The following WWOX variants were observed in gnomAD, a reference collection of about 807,000 sequenced individuals.
WWOX encodes WW domain containing oxidoreductase, also known as WW domain-containing oxidoreductase.
WWOX carries 69 observed loss-of-function variants against 46.2 expected under a neutral mutation model. That is an observed-to-expected ratio of 1.49 (90% CI 1.23 to 1.82). The LOEUF is 1.82. WWOX is among the 40% of genes most tolerant of loss of function. The probability of loss-of-function intolerance (pLI) is 0.00; values close to 1 mark genes in which losing one functional copy is unlikely to be tolerated. For missense variants in WWOX, 919 were observed against 542.6 expected (o/e 1.69, Z -6.89); for synonymous variants, 359 against 202.6 (o/e 1.77, Z -6.56).
At chr16:79,199,007 G>T (rs2051294698) in intron 8 of WWOX, among the ~76,000 whole-genome samples, 1 of 152,142 alleles carries the variant, frequency 6.6e-6, no homozygotes, top group African/African-American at 2.4e-5. Context: ...TCTGTCACTT[G>T]CTCTTTGACC....
intron 6 of WWOX, among the ~76,000 whole-genome samples, chr16:78,422,818 T>TACAC (rs751244748): frequency 8.3e-6 from 1 of 120,300 alleles, no homozygotes; most frequent in African/African-American, 4.6e-5. Flanking sequence ...CACATATATA[T>TACAC]ACACACACAT....
At chr16:78,929,042 A>G (rs973032279) in intron 8 of WWOX, among the ~76,000 whole-genome samples, 3 of 152,212 alleles carry the variant, frequency 2.0e-5, no homozygotes, top group African/African-American at 7.2e-5. Flanking sequence ...TTTTTAAAGA[A>G]TTTCCTTTTT....
intron 6 of WWOX, among the ~76,000 whole-genome samples, chr16:78,392,997 G>C (rs781146789): frequency 3.3e-5 from 5 of 152,094 alleles, no homozygotes; most frequent in Non-Finnish European, 7.4e-5. Flanking sequence ...TGTGTCTCGG[G>C]TCAAATTATT....
At chr16:78,909,774 A>G (rs1478572737) in intron 8 of WWOX, among the ~76,000 whole-genome samples, 1 of 152,184 alleles carries the variant, frequency 6.6e-6, no homozygotes, top group Non-Finnish European at 1.5e-5. Flanking sequence ...GCGTCAACTT[A>G]GTCCAAATGT....
At chr16:78,554,459 C>G (rs574131280) in intron 8 of WWOX, among the ~76,000 whole-genome samples, 2 of 152,242 alleles carry the variant, frequency 1.3e-5, no homozygotes, top group African/African-American at 4.8e-5. Context: ...GAAAACAGTT[C>G]TGGCTGATGG....
chr16:79,022,552 T>C (rs1422643409), intron 8 of WWOX, among the ~76,000 whole-genome samples: 1 of 152,156 alleles, frequency 6.6e-6, no homozygotes, highest in Non-Finnish European at 1.5e-5. Context: ...CTCTTTCCAA[T>C]AATATCTTTG....
rs561333708 is a variant in WWOX, at chr16:78,486,570, G to GTTTTGTTTTGTTTTA, written c.1056+53832_1056+53833insATTTTGTTTTGTTTT. On this transcript the variant is annotated intron_variant, in intron 8 of 8. Coordinates refer to ENST00000566780, the MANE Select transcript of WWOX (RefSeq NM_016373.4). ...TTTAATTGACTTCCAGTTTTGTTTT[G>GTTTTGTTTTGTTTTA]TTTTGTTTTGTTTTGTTTTGTTTTG... is the stretch of plus-strand genomic sequence containing the variant. 3.1e-3 allele frequency among the ~76,000 whole-genome samples: 468 copies of GTTTTGTTTTGTTTTA among 149,156 alleles called. 3 individuals are homozygous for GTTTTGTTTTGTTTTA. The highest frequency in any genetic ancestry group is 0.011 in the African/African-American group (444 of 40,298).
At chr16:78,530,038 C>T (rs1205825213) in intron 8 of WWOX, among the ~76,000 whole-genome samples, 1 of 152,138 alleles carries the variant, frequency 6.6e-6, no homozygotes. Context: ...AGGTGAACTG[C>T]ACTCACTTGA....
chr16:78,761,199 A>G (rs1187973274), intron 8 of WWOX, among the ~76,000 whole-genome samples: 2 of 152,058 alleles, frequency 1.3e-5, no homozygotes, highest in Non-Finnish European at 2.9e-5. Context: ...TTTTCTTCCA[A>G]ATATAGTTAA....
intron 8 of WWOX, among the ~76,000 whole-genome samples, chr16:78,562,976 T>C (rs1422826428): frequency 6.7e-6 from 1 of 149,102 alleles, no homozygotes; most frequent in East Asian, 1.9e-4. Flanking sequence ...TGAAAAGCTT[T>C]ACAGATGTTC....
chr16:78,214,478 C>A (rs2036656272), intron 5 of WWOX, among the ~76,000 whole-genome samples: 1 of 152,160 alleles, frequency 6.6e-6, no homozygotes, highest in Non-Finnish European at 1.5e-5. Flanking sequence ...TGCACTCCCA[C>A]CCCTGTCATC....
chr16:78,220,185 G>C (rs551297228), intron 5 of WWOX, among the ~76,000 whole-genome samples: 93 of 152,152 alleles, frequency 6.1e-4, no homozygotes, highest in Non-Finnish European at 1.3e-3. Context: ...TTGTGTGATA[G>C]TTTCTTGAGT....
At chr16:78,218,937 G>C (rs1314539397) in intron 5 of WWOX, among the ~76,000 whole-genome samples, 3 of 152,246 alleles carry the variant, frequency 2.0e-5, no homozygotes, top group East Asian at 1.9e-4. Context: ...GTTGCAATTA[G>C]ATGCTTCACA....
intron 8 of WWOX, among the ~76,000 whole-genome samples, chr16:78,887,337 T>C (rs2151222826): frequency 6.6e-6 from 1 of 152,150 alleles, no homozygotes; most frequent in East Asian, 1.9e-4. Flanking sequence ...GTTGTAGCTT[T>C]TCTTTCCCCT....
intron 8 of WWOX, among the ~76,000 whole-genome samples, chr16:78,924,346 G>A (rs867685108): frequency 6.6e-6 from 1 of 152,170 alleles, no homozygotes; most frequent in Non-Finnish European, 1.5e-5. Flanking sequence ...TTTGAAAAAT[G>A]GAGCTTGCTG....
At chr16:78,280,996 G>T (rs1257814967) in intron 5 of WWOX, 2 of 152,294 alleles carry the variant, frequency 1.3e-5, no homozygotes, top group African/African-American at 4.8e-5. Context: ...CAGTGATGGA[G>T]AACTATTATA....
chr16:78,429,372 T>C (rs748763002), intron 7 of WWOX, among the ~76,000 whole-genome samples: 32 of 152,200 alleles, frequency 2.1e-4, no homozygotes, highest in Non-Finnish European at 4.1e-4. Flanking sequence ...TTTATCTGCC[T>C]TGCATGGCTT....
At chr16:78,319,869 T>C (rs1187481119) in intron 5 of WWOX, among the ~76,000 whole-genome samples, 2 of 152,180 alleles carry the variant, frequency 1.3e-5, no homozygotes, top group Non-Finnish European at 2.9e-5. Flanking sequence ...ACCTCACGCG[T>C]CTTTTCTGCC....
At chr16:79,096,259 A>G (rs1267944858) in intron 8 of WWOX, among the ~76,000 whole-genome samples, 1 of 151,852 alleles carries the variant, frequency 6.6e-6, no homozygotes, top group African/African-American at 2.4e-5. Flanking sequence ...TCCTTTGAAA[A>G]TATGTTAGAT....
Sources: allele counts gnomAD v4.1 joint callset (sites outside exome capture counted in the v4.1 genomes callset), GRCh38; gene constraint gnomAD v4.1.1; transcripts MANE v1.5; gene names NCBI Gene and HGNC (gene_info 2026-07-23, HGNC 2026-07-21).